Variants in ATXN7L1 observed in about 807,000 individuals in gnomAD.
ATXN7L1 encodes ataxin-7-like protein 1.
ATXN7L1 carries 15 observed loss-of-function variants against 70.8 expected under a neutral mutation model. That is an observed-to-expected ratio of 0.21 (90% CI 0.14 to 0.33). ATXN7L1 has a LOEUF of 0.33. ATXN7L1 is among the 10% of genes least tolerant of loss of function. The pLI is 1.00. For synonymous variants in ATXN7L1, 440 were observed against 445.1 expected (o/e 0.99, Z 0.14); for missense variants, 975 against 1,097.1 (o/e 0.89, Z 1.57).
Position 105,624,199 on chromosome 7 carries a change from G to A in ATXN7L1, c.1271C>T (p.Pro424Leu), listed in dbSNP as rs1379794498. The change falls in exon 8 of 12, where the codon CCA becomes CTA. Residue 424 changes from proline (P) to leucine (L), a missense_variant. Coordinates refer to ENST00000419735, the MANE Select transcript of ATXN7L1 (RefSeq NM_020725.2). ...GAGGTCACCTCCAACCGGTGGGAGT[G>A]GGGGCTCTGGAGTGTGGCCGCTATG... Reference protein sequence around the residue: ...SNHSGHTPEPPLPPVGGDLAS... With the variant: ...SNHSGHTPEPLLPPVGGDLAS... 4 of 1,527,168 alleles carry A rather than the reference G, an allele frequency of 2.6e-6. No individual in the cohort carries two copies. The highest frequency in any genetic ancestry group is 4.1e-5 in the Admixed American group (2 of 48,622). The allele number at this position is 1,527,168 out of a possible 1,614,324, so 94.6% of individuals were successfully genotyped here.
chr7:105,875,367 A>G (rs1397138373), intron 2 of ATXN7L1: 1 of 169,374 alleles, frequency 5.9e-6, no homozygotes, highest in Non-Finnish European at 1.3e-5. Context: ...TGCCATGTAC[A>G]ATGGTTTTCA....
chr7:105,660,460 ATT>A (rs5886363), intron 4 of ATXN7L1, among the ~76,000 whole-genome samples: 23,362 of 147,484 alleles, frequency 0.16, 2,212 homozygotes, highest in African/African-American at 0.27. Flanking sequence ...CTTAGATAGA[ATT>A]TTTTTTTTTT....
intron 2 of ATXN7L1, among the ~76,000 whole-genome samples, chr7:105,802,947 G>A (rs867847326): frequency 6.6e-6 from 1 of 152,230 alleles, no homozygotes; most frequent in African/African-American, 2.4e-5. Context: ...GTAAACTGCT[G>A]GGGTCAGGGC....
intron 3 of ATXN7L1, among the ~76,000 whole-genome samples, chr7:105,728,692 C>T (rs1796181228): frequency 6.6e-6 from 1 of 152,096 alleles, no homozygotes; most frequent in Admixed American, 6.6e-5. Context: ...TAAAAGGTGC[C>T]AGGACTCCCT....
intron 3 of ATXN7L1, among the ~76,000 whole-genome samples, chr7:105,694,723 GC>G (rs1408048419): frequency 6.6e-6 from 1 of 152,200 alleles, no homozygotes; most frequent in Non-Finnish European, 1.5e-5. Flanking sequence ...ATGTGATTTG[GC>G]CAGGGCCACA....
intron 4 of ATXN7L1, among the ~76,000 whole-genome samples, chr7:105,646,736 C>A (rs1409880216): frequency 6.7e-6 from 1 of 148,414 alleles, no homozygotes; most frequent in South Asian, 2.1e-4. Context: ...GTATTTGAGA[C>A]CAGCCTGGAC....
At chr7:105,873,778 G>T (rs1481491484) in intron 2 of ATXN7L1, among the ~76,000 whole-genome samples, 1 of 152,130 alleles carries the variant, frequency 6.6e-6, no homozygotes, top group Non-Finnish European at 1.5e-5. Flanking sequence ...CTAATAAGCG[G>T]GATGTACCAC....
chr7:105,836,317 T>C (rs966688820), intron 2 of ATXN7L1, among the ~76,000 whole-genome samples: 1 of 152,132 alleles, frequency 6.6e-6, no homozygotes, highest in Admixed American at 6.5e-5. Context: ...CCCTTGAGAA[T>C]TTAAGCCTCT....
chr7:105,857,119 T>C (rs1815856778), intron 2 of ATXN7L1, among the ~76,000 whole-genome samples: 1 of 152,196 alleles, frequency 6.6e-6, no homozygotes, highest in Non-Finnish European at 1.5e-5. Flanking sequence ...TACAATGCCC[T>C]GAATGTCCAA....
At chr7:105,699,886 C>T (rs189386308) in intron 3 of ATXN7L1, among the ~76,000 whole-genome samples, 34 of 152,340 alleles carry the variant, frequency 2.2e-4, no homozygotes, top group Admixed American at 6.5e-4. Context: ...GGCCTGCCCC[C>T]ACAATCCTCC....
At chr7:105,698,333 T>A (rs2116226960) in intron 3 of ATXN7L1, among the ~76,000 whole-genome samples, 1 of 152,266 alleles carries the variant, frequency 6.6e-6, no homozygotes, top group South Asian at 2.1e-4. Context: ...CAGTTTTGCA[T>A]CGATGGGGCT....
intron 3 of ATXN7L1, among the ~76,000 whole-genome samples, chr7:105,728,909 A>C (rs1268210115): frequency 6.6e-6 from 1 of 152,184 alleles, no homozygotes; most frequent in Non-Finnish European, 1.5e-5. Context: ...GTAGTATTGG[A>C]TTATAACCCA....
intron 8 of ATXN7L1, among the ~76,000 whole-genome samples, chr7:105,620,905 A>AG (rs1794840564): frequency 6.6e-6 from 1 of 150,508 alleles, no homozygotes; most frequent in African/African-American, 2.4e-5. Flanking sequence ...AGAAAAAAAA[A>AG]AAAAAGAAAC....
intron 2 of ATXN7L1, among the ~76,000 whole-genome samples, chr7:105,847,975 G>C (rs925156409): frequency 6.6e-6 from 1 of 152,150 alleles, no homozygotes; most frequent in African/African-American, 2.4e-5. Flanking sequence ...TGAGCATTAA[G>C]ATTTCCTAAA....
chr7:105,839,184 C>A (rs1317393926), intron 2 of ATXN7L1, among the ~76,000 whole-genome samples: 9 of 151,402 alleles, frequency 5.9e-5, no homozygotes, highest in Admixed American at 3.3e-4. Flanking sequence ...CTGTTATGGG[C>A]AATGGCTCAG....
chr7:105,681,826 A>T (rs1805595984), intron 3 of ATXN7L1, among the ~76,000 whole-genome samples: 3 of 152,224 alleles, frequency 2.0e-5, no homozygotes, highest in Admixed American at 2.0e-4. Context: ...GGTGCTCGAG[A>T]TAGTCAAATT....
At chr7:105,673,238 T>A (rs571989486) in intron 3 of ATXN7L1, among the ~76,000 whole-genome samples, 1 of 152,282 alleles carries the variant, frequency 6.6e-6, no homozygotes, top group Non-Finnish European at 1.5e-5. Context: ...GATATTTTCA[T>A]ACTTGCAGCA....
At chr7:105,794,330 C>T (rs749522296) in intron 2 of ATXN7L1, among the ~76,000 whole-genome samples, 1 of 152,164 alleles carries the variant, frequency 6.6e-6, no homozygotes, top group Non-Finnish European at 1.5e-5. Context: ...CAGCTAGTAC[C>T]AGCTCACAAG....
At chr7:105,733,916 A>C (rs1382234147) in intron 3 of ATXN7L1, among the ~76,000 whole-genome samples, 2 of 132,014 alleles carry the variant, frequency 1.5e-5, no homozygotes, top group African/African-American at 3.0e-5. Context: ...TCCATCATCC[A>C]TCCATCCATC....
Sources: allele counts gnomAD v4.1 joint callset (sites outside exome capture counted in the v4.1 genomes callset), GRCh38; gene constraint gnomAD v4.1.1; transcripts MANE v1.5; gene names NCBI Gene and HGNC (gene_info 2026-07-23, HGNC 2026-07-21).